RGS6: variants seen among roughly 807,000 people sequenced by gnomAD.
RGS6 encodes regulator of G protein signaling 6.
RGS6 carries 30 observed loss-of-function variants against 78.5 expected under a neutral mutation model. That is an observed-to-expected ratio of 0.38 (90% CI 0.29 to 0.52). RGS6 has a LOEUF of 0.52. Ranked by LOEUF, RGS6 falls within the 20% of genes least tolerant of loss-of-function variation. RGS6 has a pLI of 0.85. For synonymous variants in RGS6, 206 were observed against 206.0 expected, an observed-to-expected ratio of 1.00 and a Z score of 0.00; for missense variants, 495 against 609.7, an observed-to-expected ratio of 0.81 and a Z score of 1.98.
chr14:72,416,574 T>C (rs528619070), intron 3 of RGS6, among the ~76,000 whole-genome samples: 80 of 152,348 alleles, frequency 5.3e-4, no homozygotes, highest in African/African-American at 1.8e-3. Context: ...ATCCTCTGTT[T>C]AGAGTTTCAG....
chr14:72,436,233 C>T (rs2094907641), intron 3 of RGS6, among the ~76,000 whole-genome samples: 1 of 151,908 alleles, frequency 6.6e-6, no homozygotes. Context: ...AAATACACTT[C>T]TATCTTGTTT....
chr14:72,591,016 G>A, the RGS6 span, among the ~76,000 whole-genome samples: 16 of 152,150 alleles, frequency 1.1e-4, no homozygotes, highest in Non-Finnish European at 2.2e-4. Context: ...TAAAACAGCT[G>A]TGCATGGTGT....
At chr14:72,098,925 A>T (rs1399304431) in intron 2 of RGS6, among the ~76,000 whole-genome samples, 2 of 152,186 alleles carry the variant, frequency 1.3e-5, no homozygotes. Context: ...CTGGTATACA[A>T]AGAACTTCTG....
intron 3 of RGS6, among the ~76,000 whole-genome samples, chr14:72,376,370 G>A (rs184954828): frequency 6.6e-6 from 1 of 152,316 alleles, no homozygotes; most frequent in Admixed American, 6.5e-5. Context: ...ATATCATTAA[G>A]TGAACAAATA....
chr14:72,533,507 A>G (rs773152025), intron 15 of RGS6, among the ~76,000 whole-genome samples: 18 of 152,398 alleles, frequency 1.2e-4, no homozygotes, highest in Middle Eastern at 6.8e-3. Context: ...AATACATTTC[A>G]TAAAGCTATA....
At chr14:72,230,704 C>T (rs907996940) in intron 2 of RGS6, among the ~76,000 whole-genome samples, 1 of 152,154 alleles carries the variant, frequency 6.6e-6, no homozygotes, top group Non-Finnish European at 1.5e-5. Flanking sequence ...GCTGCAGTCT[C>T]GAGGCAGGAT....
intron 2 of RGS6, among the ~76,000 whole-genome samples, chr14:72,336,649 C>A (rs1289243839): frequency 1.3e-5 from 2 of 152,160 alleles, no homozygotes; most frequent in East Asian, 1.9e-4. Context: ...AAAATAATTT[C>A]TATGATCTGC....
chr14:72,174,720 G>A (rs972023375), intron 2 of RGS6, among the ~76,000 whole-genome samples: 1 of 152,068 alleles, frequency 6.6e-6, no homozygotes, highest in African/African-American at 2.4e-5. Flanking sequence ...AGATTGGAAG[G>A]GACTTGGTGC....
chr14:72,142,061 A>G (rs760667032), intron 2 of RGS6, among the ~76,000 whole-genome samples: 6 of 152,134 alleles, frequency 3.9e-5, no homozygotes, highest in Non-Finnish European at 5.9e-5. Flanking sequence ...ACCTTCTGAG[A>G]GAGAAAAGTG....
intron 2 of RGS6, among the ~76,000 whole-genome samples, chr14:72,207,880 A>G (rs1268068261): frequency 1.3e-5 from 2 of 152,208 alleles, no homozygotes; most frequent in Non-Finnish European, 2.9e-5. Context: ...TATTAATAGG[A>G]CAATAATAGT....
intron 15 of RGS6, 33 bp from the exon 16 acceptor site, chr14:72,536,153 T>C: frequency 6.6e-7 from 1 of 1,525,278 alleles, no homozygotes; most frequent in South Asian, 1.1e-5. Flanking sequence ...TTGACAGCCC[T>C]TCCTTGTGTC....
chr14:72,125,512 A>G (rs891426993), intron 2 of RGS6, among the ~76,000 whole-genome samples: 1 of 152,180 alleles, frequency 6.6e-6, no homozygotes, highest in Non-Finnish European at 1.5e-5. Context: ...CAAGCTTTGC[A>G]GTAGAGAAAA....
intron 1 of RGS6, among the ~76,000 whole-genome samples, chr14:71,939,968 G>T (rs1007167923): frequency 6.6e-6 from 1 of 152,190 alleles, no homozygotes; most frequent in African/African-American, 2.4e-5. Context: ...CAGCCAATGT[G>T]GGGGTTCTGC....
At chr14:72,042,129 C>CTTTTTTTT (rs202194668) in intron 2 of RGS6, among the ~76,000 whole-genome samples, 6 of 134,534 alleles carry the variant, frequency 4.5e-5, no homozygotes, top group Non-Finnish European at 9.4e-5. Flanking sequence ...TTTTCTTTTT[C>CTTTTTTTT]TTTTTTTTTT....
intron 1 of RGS6, among the ~76,000 whole-genome samples, chr14:71,956,535 A>G (rs1566906376): frequency 6.6e-6 from 1 of 152,054 alleles, no homozygotes; most frequent in Non-Finnish European, 1.5e-5. Flanking sequence ...TTGTAGTCCC[A>G]AGTTTGAGGG....
At chr14:72,116,828 A>G (rs981833301) in intron 2 of RGS6, among the ~76,000 whole-genome samples, 2 of 151,810 alleles carry the variant, frequency 1.3e-5, no homozygotes, top group African/African-American at 4.8e-5. Context: ...ACCAGGCTTC[A>G]TGGTGGGCAC....
intron 3 of RGS6, among the ~76,000 whole-genome samples, chr14:72,363,074 C>T (rs1476067559): frequency 2.6e-5 from 4 of 152,126 alleles, no homozygotes; most frequent in Admixed American, 6.5e-5. Flanking sequence ...GGCAGAACAG[C>T]CACAGGAATG....
intron 2 of RGS6, among the ~76,000 whole-genome samples, chr14:72,168,919 G>A (rs192916028): frequency 1.6e-4 from 25 of 152,272 alleles, no homozygotes; most frequent in Admixed American, 1.6e-3. Context: ...CTCTGTCATG[G>A]CTAAATGACT....
At chr14:72,333,448 G>A (rs759860151) in intron 2 of RGS6, among the ~76,000 whole-genome samples, 2 of 152,150 alleles carry the variant, frequency 1.3e-5, no homozygotes, top group South Asian at 4.1e-4. Context: ...ATTCGATGGA[G>A]ATCCTTGTCA....
Sources: allele counts gnomAD v4.1 joint callset (sites outside exome capture counted in the v4.1 genomes callset), GRCh38; gene constraint gnomAD v4.1.1; transcripts MANE v1.5; gene names NCBI Gene and HGNC (gene_info 2026-07-23, HGNC 2026-07-21).